The following STK32B variants were observed in gnomAD, a reference collection of about 807,000 sequenced individuals.
STK32B encodes serine/threonine kinase 32B.
Under a neutral mutation model 52.6 loss-of-function variants are expected in STK32B, and 43 were observed. That is an observed-to-expected ratio of 0.82 (90% CI 0.64 to 1.05). The LOEUF is 1.05. Ranked by LOEUF, STK32B falls within the 50% of genes least tolerant of loss-of-function variation. STK32B has a pLI of 0.00. For synonymous variants in STK32B, 238 were observed against 204.3 expected (o/e 1.17, Z -1.41); for missense variants, 621 against 534.6 (o/e 1.16, Z -1.59).
At chr4:5,419,841 C>G (rs565221641) in intron 6 of STK32B, among the ~76,000 whole-genome samples, 1 of 152,288 alleles carries the variant, frequency 6.6e-6, no homozygotes, top group Admixed American at 6.5e-5. Flanking sequence ...CTAGAATCCA[C>G]TACTCATGTC....
intron 1 of STK32B, among the ~76,000 whole-genome samples, chr4:5,128,614 C>A (rs1289579271): frequency 6.6e-6 from 1 of 152,150 alleles, no homozygotes; most frequent in Non-Finnish European, 1.5e-5. Flanking sequence ...AATGAGGCAA[C>A]AAGAGGTGGT....
At chr4:5,130,729 C>G (rs551161041) in intron 1 of STK32B, among the ~76,000 whole-genome samples, 2 of 152,230 alleles carry the variant, frequency 1.3e-5, no homozygotes, top group South Asian at 2.1e-4. Context: ...GAGGCCTGAC[C>G]CATTCCTGCC....
chr4:5,280,157 T>C (rs990636445), intron 3 of STK32B, among the ~76,000 whole-genome samples: 10 of 152,234 alleles, frequency 6.6e-5, no homozygotes, highest in African/African-American at 2.4e-4. Flanking sequence ...ACTTTTATGC[T>C]CTGCTTCCCT....
intron 3 of STK32B, among the ~76,000 whole-genome samples, chr4:5,319,529 A>G (rs575689819): frequency 6.6e-6 from 1 of 151,826 alleles, no homozygotes; most frequent in African/African-American, 2.4e-5. Context: ...CCCTTCTTGA[A>G]GAGTCTTCTC....
intron 4 of STK32B, among the ~76,000 whole-genome samples, chr4:5,391,303 G>A (rs1736583649): frequency 6.6e-6 from 1 of 152,100 alleles, no homozygotes; most frequent in Admixed American, 6.5e-5. Context: ...TGGATTTAGG[G>A]CTCAGCCTAA....
At chr4:5,227,367 A>C (rs1258008844) in intron 3 of STK32B, among the ~76,000 whole-genome samples, 1 of 152,250 alleles carries the variant, frequency 6.6e-6, no homozygotes, top group East Asian at 1.9e-4. Flanking sequence ...TTTGAAAAAT[A>C]GTCACTGACT....
At chr4:5,155,488 T>G (rs1717746638) in intron 2 of STK32B, among the ~76,000 whole-genome samples, 2 of 152,144 alleles carry the variant, frequency 1.3e-5, no homozygotes, top group African/African-American at 4.8e-5. Flanking sequence ...TCATGCAGTT[T>G]ATAGAGACAC....
intron 3 of STK32B, among the ~76,000 whole-genome samples, chr4:5,242,671 G>T (rs1725122853): frequency 6.6e-6 from 1 of 152,094 alleles, no homozygotes; most frequent in Admixed American, 6.5e-5. Context: ...GTCCTGAATG[G>T]TATTGCCTAG....
chr4:5,443,857 G>A (rs1293072898), intron 6 of STK32B, among the ~76,000 whole-genome samples: 2 of 152,168 alleles, frequency 1.3e-5, no homozygotes, highest in African/African-American at 4.8e-5. Flanking sequence ...GGAATACCCT[G>A]CCATGTGAGG....
At chr4:5,408,035 C>T (rs1016084870) in intron 5 of STK32B, among the ~76,000 whole-genome samples, 5 of 152,266 alleles carry the variant, frequency 3.3e-5, no homozygotes, top group Admixed American at 6.5e-5. Context: ...CCTCCACAGA[C>T]ACCAAATCTG....
chr4:5,459,046 G>C (rs1716807900), intron 8 of STK32B, among the ~76,000 whole-genome samples: 1 of 152,182 alleles, frequency 6.6e-6, no homozygotes. Flanking sequence ...CAGCTGCCCT[G>C]AACAGTGAAC....
intron 3 of STK32B, among the ~76,000 whole-genome samples, chr4:5,256,053 A>C (rs747863272): frequency 6.6e-6 from 1 of 152,168 alleles, no homozygotes; most frequent in South Asian, 2.1e-4. Flanking sequence ...TTGGTTGTCT[A>C]ATACTCTGAG....
In STK32B at chr4:5,452,176, A is replaced by AC. The variant is rs929118023; in HGVS notation, c.667-4629dup. ...CTTTACCCTCTTTGCTCACCCATCAACCACCTCCCTGACCTGGTGTTAGCC... is the reference window on the plus strand; with the variant it reads ...CTTTACCCTCTTTGCTCACCCATCAACCCACCTCCCTGACCTGGTGTTAGCC... On this transcript the variant is annotated intron_variant, in intron 7 of 11. Transcript: ENST00000282908. 7.9e-5 allele frequency among the ~76,000 whole-genome samples: 12 copies of AC among 152,226 alleles called. No individual in the cohort carries two copies. The East Asian group carries it at 2.1e-3, about 27-fold the overall frequency.
intron 2 of STK32B, among the ~76,000 whole-genome samples, chr4:5,157,644 G>A (rs976367006): frequency 2.6e-5 from 4 of 152,222 alleles, no homozygotes; most frequent in African/African-American, 9.6e-5. Flanking sequence ...GGAGCATGTA[G>A]CAGGCTGTGT....
At chr4:5,382,191 G>A (rs1040111931) in intron 4 of STK32B, among the ~76,000 whole-genome samples, 2 of 152,158 alleles carry the variant, frequency 1.3e-5, no homozygotes, top group Non-Finnish European at 2.9e-5. Context: ...GAAACATGCA[G>A]AAGAATGTTT....
At chr4:5,185,487 A>G (rs1434857401) in intron 3 of STK32B, among the ~76,000 whole-genome samples, 2 of 152,228 alleles carry the variant, frequency 1.3e-5, no homozygotes, top group African/African-American at 2.4e-5. Context: ...ATAAAACTAT[A>G]TTAAGTATTT....
chr4:5,341,819 G>A (rs920863740), intron 4 of STK32B, among the ~76,000 whole-genome samples: 1 of 152,116 alleles, frequency 6.6e-6, no homozygotes, highest in African/African-American at 2.4e-5. Context: ...GCCAGAGCAG[G>A]AGCAAAGGAG....
At chr4:5,273,993 A>AT (rs1727625604) in intron 3 of STK32B, among the ~76,000 whole-genome samples, 1 of 150,588 alleles carries the variant, frequency 6.6e-6, no homozygotes, top group Non-Finnish European at 1.5e-5. Flanking sequence ...AAGTATAATA[A>AT]AAAAAAAGAA....
At chr4:5,071,687 C>T (rs569734579) in intron 1 of STK32B, among the ~76,000 whole-genome samples, 1 of 152,310 alleles carries the variant, frequency 6.6e-6, no homozygotes, top group African/African-American at 2.4e-5. Flanking sequence ...ACACACCTTT[C>T]ATGCATTAAC....
Sources: allele counts gnomAD v4.1 joint callset (sites outside exome capture counted in the v4.1 genomes callset), GRCh38; gene constraint gnomAD v4.1.1; transcripts MANE v1.5; gene names NCBI Gene and HGNC (gene_info 2026-07-23, HGNC 2026-07-21).